NRCAM: variants seen among roughly 807,000 people sequenced by gnomAD.
The protein encoded by NRCAM is NgCAM-related cell adhesion molecule.
In NRCAM, 83 loss-of-function variants were observed where a neutral mutation model predicts 156.5. That is an observed-to-expected ratio of 0.53 (90% CI 0.44 to 0.64). NRCAM has a LOEUF of 0.64. Among genes scored for constraint, NRCAM ranks in the 30% least tolerant of loss-of-function variants. NRCAM has a pLI of 0.00. For synonymous variants in NRCAM, 538 were observed against 563.9 expected, an observed-to-expected ratio of 0.95 and a Z score of 0.65; for missense variants, 1,417 against 1,597.3, an observed-to-expected ratio of 0.89 and a Z score of 1.92.
chr7:108,153,014 T>C (rs868293892), intron 32 of NRCAM, among the ~76,000 whole-genome samples: 16 of 152,182 alleles, frequency 1.1e-4, no homozygotes, highest in African/African-American at 3.9e-4. Context: ...GAGTGGAGCA[T>C]GTTGGGAGGG....
At chr7:108,279,766 T>C (rs2097782720) in intron 3 of NRCAM, among the ~76,000 whole-genome samples, 1 of 151,936 alleles carries the variant, frequency 6.6e-6, no homozygotes, top group Non-Finnish European at 1.5e-5. Context: ...CTCACTGTGT[T>C]GCCCAGGCCA....
At chr7:108,362,902 T>A (rs1044269146) in intron 2 of NRCAM, among the ~76,000 whole-genome samples, 4 of 152,128 alleles carry the variant, frequency 2.6e-5, no homozygotes, top group Non-Finnish European at 5.9e-5. Flanking sequence ...TAACACCATT[T>A]ACCAATAAAA....
At chr7:108,409,307 A>T (rs991253942) in intron 1 of NRCAM, among the ~76,000 whole-genome samples, 1 of 152,258 alleles carries the variant, frequency 6.6e-6, no homozygotes, top group Non-Finnish European at 1.5e-5. Context: ...CATCCTGCAT[A>T]GGAAGGAAAG....
intron 2 of NRCAM, among the ~76,000 whole-genome samples, chr7:108,338,940 C>T (rs1319467405): frequency 1.3e-5 from 2 of 152,176 alleles, no homozygotes; most frequent in Non-Finnish European, 2.9e-5. Context: ...TCTGTAGTGG[C>T]AACTGCTTTG....
chr7:108,226,683 G>C (rs570637048), intron 8 of NRCAM, among the ~76,000 whole-genome samples: 6 of 152,242 alleles, frequency 3.9e-5, no homozygotes, highest in African/African-American at 1.4e-4. Flanking sequence ...ATAAAAAGTT[G>C]GCGTGACTTT....
At chr7:108,440,758 C>G (rs1406417484) in intron 1 of NRCAM, among the ~76,000 whole-genome samples, 1 of 152,188 alleles carries the variant, frequency 6.6e-6, no homozygotes, top group Non-Finnish European at 1.5e-5. Flanking sequence ...TTTATTCACC[C>G]AAAGGTCAGA....
chr7:108,312,403 A>G (rs2098814789), intron 3 of NRCAM, among the ~76,000 whole-genome samples: 2 of 152,002 alleles, frequency 1.3e-5, no homozygotes, highest in South Asian at 2.1e-4. Flanking sequence ...GGGCTTTATG[A>G]TTCATGATTT....
At chr7:108,255,402 G>C (rs974999625) in intron 3 of NRCAM, among the ~76,000 whole-genome samples, 2 of 152,208 alleles carry the variant, frequency 1.3e-5, no homozygotes, top group Non-Finnish European at 1.5e-5. Flanking sequence ...TCCTGACCGC[G>C]AGTGATCTGC....
At chr7:108,186,895 T>C (rs1354766044) in intron 20 of NRCAM, among the ~76,000 whole-genome samples, 1 of 152,240 alleles carries the variant, frequency 6.6e-6, no homozygotes, top group African/African-American at 2.4e-5. Flanking sequence ...AGCAAACGCT[T>C]TGCAGAGATA....
chr7:108,385,132 G>A (rs796588737), intron 2 of NRCAM, among the ~76,000 whole-genome samples: 2 of 152,174 alleles, frequency 1.3e-5, no homozygotes, highest in Non-Finnish European at 2.9e-5. Context: ...GCGTTATGAG[G>A]AATAGATCAC....
chr7:108,416,956 G>A (rs966558026), intron 1 of NRCAM, among the ~76,000 whole-genome samples: 14 of 152,164 alleles, frequency 9.2e-5, no homozygotes, highest in Non-Finnish European at 1.9e-4. Context: ...AGCAATTAAC[G>A]GACATTACAA....
At chr7:108,427,146 A>G (rs1818360434) in intron 1 of NRCAM, among the ~76,000 whole-genome samples, 1 of 152,096 alleles carries the variant, frequency 6.6e-6, no homozygotes, top group Admixed American at 6.6e-5. Context: ...CTGAAGGCCC[A>G]TCTCCATTCC....
chr7:108,331,627 C>A (rs969401337), intron 2 of NRCAM, among the ~76,000 whole-genome samples: 3 of 152,002 alleles, frequency 2.0e-5, no homozygotes, highest in Non-Finnish European at 4.4e-5. Flanking sequence ...CAGTGCCTGG[C>A]ACATAGCAGA....
At chr7:108,253,596 A>G (rs2096483411) in intron 3 of NRCAM, among the ~76,000 whole-genome samples, 1 of 152,238 alleles carries the variant, frequency 6.6e-6, no homozygotes, top group Non-Finnish European at 1.5e-5. Context: ...TTTTATGCTA[A>G]TATCAGATGA....
chr7:108,246,788 C>G (rs553045388), intron 3 of NRCAM, among the ~76,000 whole-genome samples: 139 of 152,316 alleles, frequency 9.1e-4, no homozygotes, highest in Admixed American at 3.5e-3. Context: ...TATTCTACAA[C>G]AAAATTTCAT....
At chr7:108,150,832 G>T in intron 32 of NRCAM, 1 of 431,636 alleles carries the variant, frequency 2.3e-6, no homozygotes. Context: ...TAGTTAATGA[G>T]TAAAGATTTA....
chr7:108,348,105 G>A (rs77234929), intron 2 of NRCAM, among the ~76,000 whole-genome samples: 3,153 of 152,294 alleles, frequency 0.021, 81 homozygotes, highest in East Asian at 0.088. Flanking sequence ...ATGAATAAAT[G>A]TCTACGTAAT....
At chr7:108,397,131 C>T (rs187169935) in intron 2 of NRCAM, among the ~76,000 whole-genome samples, 34 of 152,176 alleles carry the variant, frequency 2.2e-4, no homozygotes, top group African/African-American at 7.7e-4. Flanking sequence ...GAGGTGGAAA[C>T]GGCAGAGTGA....
intron 6 of NRCAM, 48 bp downstream of exon 6, chr7:108,234,534 AT>A (rs1430411046): frequency 6.6e-5 from 74 of 1,120,264 alleles, no homozygotes; most frequent in Non-Finnish European, 1.0e-4. Flanking sequence ...ATTCAGAGAG[AT>A]TTCCTGATTT....
Sources: gnomAD v4.1 joint callset for allele counts (sites outside exome capture counted in the v4.1 genomes callset) on GRCh38, gnomAD v4.1.1 for gene constraint, MANE v1.5 for transcripts, NCBI Gene and HGNC (gene_info 2026-07-23, HGNC 2026-07-21) for gene names.